The following PDE10A variants were observed in gnomAD, a reference collection of about 807,000 sequenced individuals.
PDE10A encodes the protein phosphodiesterase 10A.
In PDE10A, 39 loss-of-function variants were observed where a neutral mutation model predicts 97.7. The observed-to-expected ratio is 0.40, with a 90% CI of 0.31 to 0.52. PDE10A has a LOEUF of 0.52. Ranked by LOEUF, PDE10A falls within the 20% of genes least tolerant of loss-of-function variation. PDE10A has a pLI of 0.56. For missense variants in PDE10A, 731 were observed against 1,047.8 expected (o/e 0.70, Z 4.17); for synonymous variants, 371 against 376.8 (o/e 0.98, Z 0.18).
intron 2 of PDE10A, among the ~76,000 whole-genome samples, chr6:165,527,569 A>C (rs1782522026): frequency 6.6e-6 from 1 of 152,196 alleles, no homozygotes; most frequent in Admixed American, 6.5e-5. Flanking sequence ...GCTTTGGTGG[A>C]AACTGAATGT....
At chr6:165,543,225 T>C (rs1432607507) in intron 2 of PDE10A, among the ~76,000 whole-genome samples, 1 of 152,234 alleles carries the variant, frequency 6.6e-6, no homozygotes, top group Non-Finnish European at 1.5e-5. Flanking sequence ...TCTCAAGATT[T>C]GCCAAATTTT....
intron 1 of PDE10A, among the ~76,000 whole-genome samples, chr6:165,727,690 A>T (rs1359316597): frequency 6.6e-6 from 1 of 152,236 alleles, no homozygotes; most frequent in Non-Finnish European, 1.5e-5. Context: ...AAAGTAATTT[A>T]AAAATGAATA....
chr6:165,461,568 A>T (rs1225696042), intron 3 of PDE10A, among the ~76,000 whole-genome samples: 2 of 152,224 alleles, frequency 1.3e-5, no homozygotes, highest in Non-Finnish European at 2.9e-5. Flanking sequence ...AGTTAATTGA[A>T]AATGCTCAGT....
At chr6:165,747,215 G>T (rs1792863156) in intron 1 of PDE10A, among the ~76,000 whole-genome samples, 1 of 151,906 alleles carries the variant, frequency 6.6e-6, no homozygotes, top group African/African-American at 2.4e-5. Context: ...TTTAAAATTT[G>T]AATTATTTTT....
intron 1 of PDE10A, among the ~76,000 whole-genome samples, chr6:165,876,472 C>T (rs1328908485): frequency 1.3e-5 from 2 of 152,084 alleles, no homozygotes; most frequent in African/African-American, 4.8e-5. Flanking sequence ...AAGAAATCAA[C>T]AAAAATGGGG....
chr6:165,386,593 A>T (rs1380290590), intron 17 of PDE10A, among the ~76,000 whole-genome samples: 1 of 152,200 alleles, frequency 6.6e-6, no homozygotes, highest in Non-Finnish European at 1.5e-5. Context: ...CAAAGTAGAC[A>T]TTAGCTGTCA....
intron 2 of PDE10A, among the ~76,000 whole-genome samples, chr6:165,524,806 T>C (rs1258611598): frequency 3.9e-5 from 6 of 152,098 alleles, no homozygotes; most frequent in African/African-American, 1.2e-4. Flanking sequence ...AGGGCATTGA[T>C]TGGAAAAGAA....
intron 5 of PDE10A, among the ~76,000 whole-genome samples, chr6:165,441,929 G>A (rs905301990): frequency 1.3e-5 from 2 of 152,048 alleles, no homozygotes; most frequent in African/African-American, 4.8e-5. Flanking sequence ...TATTTTCCTT[G>A]AAAACTGTTC....
chr6:165,721,733 G>A (rs1460186051), intron 1 of PDE10A, among the ~76,000 whole-genome samples: 2 of 152,188 alleles, frequency 1.3e-5, no homozygotes, highest in African/African-American at 4.8e-5. Flanking sequence ...TCCATTTGTA[G>A]ATTCACTATC....
At chr6:165,625,726 C>G (rs185740167) in intron 1 of PDE10A, among the ~76,000 whole-genome samples, 2 of 152,214 alleles carry the variant, frequency 1.3e-5, no homozygotes, top group African/African-American at 4.8e-5. Flanking sequence ...CTCTTGCTGC[C>G]ATGTAAGAAG....
intron 19 of PDE10A, among the ~76,000 whole-genome samples, chr6:165,342,961 T>C (rs528392367): frequency 8.5e-4 from 129 of 152,342 alleles, no homozygotes; most frequent in Middle Eastern, 3.4e-3. Flanking sequence ...TATATTTACA[T>C]ATTCTCAATG....
chr6:165,958,714 G>GAGA (rs1297088657), intron 1 of PDE10A, among the ~76,000 whole-genome samples: 2 of 55,252 alleles, frequency 3.6e-5, no homozygotes, highest in African/African-American at 1.6e-4. Flanking sequence ...GAAAGAAAGA[G>GAGA]AGAAGAAAGA....
chr6:165,342,778 T>A (rs1449661982), intron 19 of PDE10A, among the ~76,000 whole-genome samples: 1 of 152,232 alleles, frequency 6.6e-6, no homozygotes, highest in Non-Finnish European at 1.5e-5. Flanking sequence ...TTCTACTTAC[T>A]TACATACAAT....
At chr6:165,719,158 A>AG (rs1270243823) in intron 1 of PDE10A, among the ~76,000 whole-genome samples, 1 of 152,226 alleles carries the variant, frequency 6.6e-6, no homozygotes, top group Non-Finnish European at 1.5e-5. Flanking sequence ...AATTCAGGAC[A>AG]GAAAAAAAAG....
At chr6:165,347,479 C>A (rs1782391407) in intron 18 of PDE10A, among the ~76,000 whole-genome samples, 1 of 152,072 alleles carries the variant, frequency 6.6e-6, no homozygotes, top group African/African-American at 2.4e-5. Context: ...TAAGTTGCTT[C>A]TTTTAAAAAT....
At chr6:165,634,485 C>T (rs1003902129) in intron 1 of PDE10A, among the ~76,000 whole-genome samples, 5 of 152,142 alleles carry the variant, frequency 3.3e-5, no homozygotes, top group African/African-American at 1.2e-4. Context: ...AGATTACTTA[C>T]CTCACCTTGT....
At chr6:165,966,124 C>T (rs993108818) in intron 1 of PDE10A, among the ~76,000 whole-genome samples, 2 of 152,182 alleles carry the variant, frequency 1.3e-5, no homozygotes, top group African/African-American at 4.8e-5. Flanking sequence ...ATTTGAACTT[C>T]AATAATGCCT....
intron 18 of PDE10A, among the ~76,000 whole-genome samples, chr6:165,357,900 T>C (rs1309573666): frequency 6.6e-6 from 1 of 152,124 alleles, no homozygotes; most frequent in Non-Finnish European, 1.5e-5. Context: ...AATTTACTCT[T>C]TTTTTCTAGC....
chr6:165,861,240 A>C (rs1780891864), intron 1 of PDE10A, among the ~76,000 whole-genome samples: 2 of 152,222 alleles, frequency 1.3e-5, no homozygotes, highest in Non-Finnish European at 2.9e-5. Context: ...TGTATTCGTT[A>C]GTTCAATCAA....
Sources: gnomAD v4.1 joint callset for allele counts (sites outside exome capture counted in the v4.1 genomes callset) on GRCh38, gnomAD v4.1.1 for gene constraint, MANE v1.5 for transcripts, NCBI Gene and HGNC (gene_info 2026-07-23, HGNC 2026-07-21) for gene names.